Variants in RIC3 observed in about 807,000 individuals in gnomAD.
RIC3 encodes RIC3 acetylcholine receptor chaperone.
In RIC3, 28 loss-of-function variants were observed where a neutral mutation model predicts 27.3. The ratio of observed to expected loss-of-function variants is 1.02; its 90% CI spans 0.76 to 1.41. The LOEUF is 1.41. Ranked by LOEUF, RIC3 falls within the 40% of genes most tolerant of loss-of-function variation. The pLI, the probability that RIC3 is intolerant of heterozygous loss-of-function variation, is 0.00. For missense variants in RIC3, 501 were observed against 444.7 expected (o/e 1.13, Z -1.14); for synonymous variants, 184 against 160.4 (o/e 1.15, Z -1.11).
downstream of RIC3, chr11:8,101,622 G>A (rs749040760): frequency 6.2e-7 from 1 of 1,614,116 alleles, no homozygotes. Context: ...GCGAGTAGAG[G>A]CCTCTTCGTG....
chr11:8,132,237 T>C (rs943436800), intron 4 of RIC3, among the ~76,000 whole-genome samples: 2 of 152,214 alleles, frequency 1.3e-5, no homozygotes, highest in African/African-American at 2.4e-5. Flanking sequence ...CCTTAATTTA[T>C]CCCCACTTTT....
chr11:8,136,997 CA>C (rs576449157), intron 4 of RIC3, among the ~76,000 whole-genome samples: 47 of 150,408 alleles, frequency 3.1e-4, no homozygotes, highest in African/African-American at 1.0e-3. Context: ...GTCTATTTAT[CA>C]AAAAAAAAGC....
chr11:8,113,226 C>A (rs1461725417), intron 5 of RIC3, among the ~76,000 whole-genome samples: 1 of 152,220 alleles, frequency 6.6e-6, no homozygotes, highest in Non-Finnish European at 1.5e-5. Flanking sequence ...AAAAGAAGTC[C>A]ATTTGCTGGC....
the RIC3 span, chr11:8,096,563 G>C: frequency 1.4e-6 from 1 of 728,316 alleles, no homozygotes; most frequent in Non-Finnish European, 2.5e-6. Context: ...CTAAGAGTGT[G>C]TGCATAAGTT....
At chr11:8,098,678 C>G in the RIC3 span, 8 of 1,072,540 alleles carry the variant, frequency 7.5e-6, no homozygotes, top group Non-Finnish European at 1.4e-6. Context: ...TTGCAGGCTC[C>G]TCATAGGACA....
intron 3 of RIC3, 60 bp from the exon 4 acceptor site, chr11:8,137,531 G>A (rs760109677): frequency 1.2e-5 from 16 of 1,383,764 alleles, no homozygotes; most frequent in Middle Eastern, 1.8e-4. Flanking sequence ...CTGTTAAAGA[G>A]ACCACAAATT....
At chr11:8,164,207 G>C (rs1161831270) in intron 1 of RIC3, among the ~76,000 whole-genome samples, 1 of 152,104 alleles carries the variant, frequency 6.6e-6, no homozygotes, top group East Asian at 1.9e-4. Flanking sequence ...AGACTTAACT[G>C]CAGGAGCAAA....
the RIC3 span, chr11:8,100,839 T>G: frequency 6.2e-7 from 1 of 1,614,074 alleles, no homozygotes; most frequent in East Asian, 2.2e-5. Context: ...CATGAGACAC[T>G]GCTAGCACGC....
At chr11:8,119,316 A>G (rs1025442347) in intron 5 of RIC3, among the ~76,000 whole-genome samples, 1 of 152,224 alleles carries the variant, frequency 6.6e-6, no homozygotes, top group Non-Finnish European at 1.5e-5. Flanking sequence ...TACAGTAACC[A>G]AAACAGCATG....
rs1307068946 is a variant in RIC3, at chr11:8,143,841, A to C, written c.125-3648T>G. Among the ~76,000 whole-genome samples the C allele has an allele frequency of 2.0e-5, 3 of 152,178 alleles. No homozygotes were observed. In the East Asian group the frequency reaches 5.8e-4, roughly 29 times the overall value. ...GGTACCAAAACAGAGATATAGATCA[A>C]TGGAACAGAACAGAGCCCTCAGAAA... is the stretch of plus-strand genomic sequence containing the variant. On this transcript the variant is annotated intron_variant, in intron 1 of 5. Transcript: ENST00000309737.
chr11:8,158,773 A>G, intron 1 of RIC3, among the ~76,000 whole-genome samples: 1 of 139,124 alleles, frequency 7.2e-6, no homozygotes, highest in Non-Finnish European at 1.5e-5. Flanking sequence ...AGTCTCTGTC[A>G]CCCAGGCTGC....
chr11:8,142,721 C>G (rs1434087573), intron 1 of RIC3, among the ~76,000 whole-genome samples: 1 of 122,638 alleles, frequency 8.2e-6, no homozygotes, highest in African/African-American at 3.6e-5. Context: ...AGAGACACAA[C>G]CAAAAAAGAG....
chr11:8,133,334 A>C (rs1488814786), intron 4 of RIC3, among the ~76,000 whole-genome samples: 1 of 152,240 alleles, frequency 6.6e-6, no homozygotes. Context: ...AGTTATACCA[A>C]CAGAAAACAT....
intron 1 of RIC3, among the ~76,000 whole-genome samples, chr11:8,143,260 A>G (rs1949273894): frequency 2.0e-5 from 3 of 151,836 alleles, no homozygotes; most frequent in African/African-American, 7.3e-5. Flanking sequence ...AGACGACATG[A>G]CTGTATATCT....
chr11:8,094,282 T>C, the RIC3 span: 14 of 1,438,054 alleles, frequency 9.7e-6, no homozygotes, highest in East Asian at 3.4e-4. Context: ...AGGGGAGGGA[T>C]AGGATGAACA....
intron 1 of RIC3, among the ~76,000 whole-genome samples, chr11:8,143,376 C>T (rs1590265491): frequency 6.6e-6 from 1 of 151,406 alleles, no homozygotes; most frequent in South Asian, 2.1e-4. Flanking sequence ...CATTCTTATA[C>T]ACCAATAACA....
the RIC3 span, chr11:8,100,874 A>G: frequency 1.2e-6 from 2 of 1,614,096 alleles, no homozygotes; most frequent in African/African-American, 2.7e-5. Context: ...CACGGAGAGT[A>G]TCATCGAGCT....
chr11:8,096,941 C>T, the RIC3 span: 418 of 1,036,362 alleles, frequency 4.0e-4, 1 homozygote, highest in Non-Finnish European at 5.4e-4. Context: ...TCTACCTTGC[C>T]TCCTAACCTC....
the RIC3 span, chr11:8,100,697 G>A: frequency 2.3e-4 from 342 of 1,515,446 alleles, no homozygotes; most frequent in East Asian, 5.0e-4. Flanking sequence ...GTATGTGGAG[G>A]GGTACCATGT....
Sources: gnomAD v4.1 joint callset for allele counts (sites outside exome capture counted in the v4.1 genomes callset) on GRCh38, gnomAD v4.1.1 for gene constraint, MANE v1.5 for transcripts, NCBI Gene and HGNC (gene_info 2026-07-23, HGNC 2026-07-21) for gene names.